Variants in TTC28 observed in about 807,000 individuals in gnomAD.
TTC28 encodes tetratricopeptide repeat protein 28.
In TTC28, 61 loss-of-function variants were observed where a neutral mutation model predicts 198.0. That is an observed-to-expected ratio of 0.31 (90% CI 0.25 to 0.38). The LOEUF (loss-of-function observed/expected upper bound fraction) is 0.38. Ranked by LOEUF, TTC28 falls within the 10% of genes least tolerant of loss-of-function variation. The probability of loss-of-function intolerance (pLI) is 1.00; values close to 1 mark genes in which losing one functional copy is unlikely to be tolerated. For missense variants in TTC28, 2,678 were observed against 3,164.0 expected (o/e 0.85, Z 3.69); for synonymous variants, 1,171 against 1,297.8 (o/e 0.90, Z 2.10).
intron 5 of TTC28, among the ~76,000 whole-genome samples, chr22:28,289,875 T>C (rs1156487800): frequency 2.0e-5 from 3 of 151,628 alleles, no homozygotes; most frequent in Admixed American, 2.0e-4. Flanking sequence ...AAAATAAAAA[T>C]TAGCTGGGCG....
intron 2 of TTC28, among the ~76,000 whole-genome samples, chr22:28,426,276 T>A (rs2047350086): frequency 6.7e-6 from 1 of 150,006 alleles, no homozygotes; most frequent in Non-Finnish European, 1.5e-5. Context: ...ATTTGTTCAA[T>A]GAATGGCCCA....
chr22:28,267,805 T>C (rs566912772), intron 5 of TTC28, among the ~76,000 whole-genome samples: 36 of 152,260 alleles, frequency 2.4e-4, no homozygotes, highest in African/African-American at 8.7e-4. Context: ...AAATCCAAAT[T>C]TCTTTGCTCA....
At chr22:28,347,574 AG>A (rs1251636649) in intron 2 of TTC28, among the ~76,000 whole-genome samples, 1 of 152,188 alleles carries the variant, frequency 6.6e-6, no homozygotes. Flanking sequence ...AAAGGGCGGT[AG>A]AAAGAATAGC....
At chr22:28,539,971 G>A (rs1197018728) in intron 2 of TTC28, among the ~76,000 whole-genome samples, 1 of 137,354 alleles carries the variant, frequency 7.3e-6, no homozygotes, top group South Asian at 2.5e-4. Context: ...CTGAGACAGG[G>A]TCTCACTCTG....
chr22:28,289,053 G>A (rs2044739131), intron 5 of TTC28, among the ~76,000 whole-genome samples: 1 of 152,134 alleles, frequency 6.6e-6, no homozygotes, highest in African/African-American at 2.4e-5. Context: ...GTTCTTAGAG[G>A]AGGGTACTGC....
intron 12 of TTC28, among the ~76,000 whole-genome samples, chr22:28,035,297 G>A (rs1014098534): frequency 5.3e-5 from 8 of 152,108 alleles, no homozygotes; most frequent in African/African-American, 1.9e-4. Flanking sequence ...TCAGTTTCCT[G>A]TGCACAGGGC....
At chr22:28,147,344 C>T (rs1455050168) in intron 6 of TTC28, among the ~76,000 whole-genome samples, 1 of 152,162 alleles carries the variant, frequency 6.6e-6, no homozygotes, top group Non-Finnish European at 1.5e-5. Flanking sequence ...AGTGTATGAG[C>T]AGCCACGTTT....
At chr22:28,476,244 ATTAT>A (rs992744939) in intron 2 of TTC28, among the ~76,000 whole-genome samples, 3 of 152,174 alleles carry the variant, frequency 2.0e-5, no homozygotes, top group African/African-American at 4.8e-5. Flanking sequence ...TGAATAAAAT[ATTAT>A]TTAGTTTTGC....
intron 5 of TTC28, among the ~76,000 whole-genome samples, chr22:28,248,881 A>AG (rs1050966833): frequency 6.6e-6 from 1 of 152,046 alleles, no homozygotes; most frequent in Non-Finnish European, 1.5e-5. Flanking sequence ...GGCATTTAGC[A>AG]GGGGGGGAAA....
intron 2 of TTC28, among the ~76,000 whole-genome samples, chr22:28,395,533 G>A (rs573500517): frequency 1.3e-5 from 2 of 151,298 alleles, no homozygotes; most frequent in Non-Finnish European, 2.9e-5. Flanking sequence ...TCGGGAGGCT[G>A]AGGCAGGCGA....
intron 5 of TTC28, among the ~76,000 whole-genome samples, chr22:28,266,706 A>G (rs1931705373): frequency 6.6e-6 from 1 of 152,180 alleles, no homozygotes; most frequent in Admixed American, 6.6e-5. Flanking sequence ...CTGACTACAG[A>G]CAAGTAAGTA....
At chr22:28,361,486 G>A (rs759410465) in intron 2 of TTC28, among the ~76,000 whole-genome samples, 4 of 152,106 alleles carry the variant, frequency 2.6e-5, no homozygotes, top group Non-Finnish European at 5.9e-5. Flanking sequence ...GAGAGGGGAA[G>A]AAGCTGCAGA....
intron 2 of TTC28, among the ~76,000 whole-genome samples, chr22:28,367,718 A>G (rs1333054198): frequency 2.0e-5 from 3 of 152,052 alleles, no homozygotes; most frequent in Non-Finnish European, 2.9e-5. Context: ...TAAAATCTGA[A>G]ATGAAAAAGC....
At position 28,039,313 on chromosome 22, in the gene TTC28, A is replaced by C. The variant is rs1939508962; in HGVS notation, c.3933-8947T>G. 2.0e-5 allele frequency among the ~76,000 whole-genome samples: 3 copies of C among 152,192 alleles called. No individual in the cohort carries two copies. In the South Asian group the frequency reaches 6.2e-4, roughly 32 times the overall value. Reference sequence around the variant, plus strand: ...AGACTGGATTAAGAAAATGTGGCACATATACACCATGGAATACTATGCAGC... The same window carrying C: ...AGACTGGATTAAGAAAATGTGGCACCTATACACCATGGAATACTATGCAGC... On this transcript the variant is annotated intron_variant, in intron 12 of 22. Transcript: ENST00000397906.
chr22:28,071,037 G>A (rs1276297695), intron 12 of TTC28, among the ~76,000 whole-genome samples: 1 of 152,114 alleles, frequency 6.6e-6, no homozygotes, highest in Non-Finnish European at 1.5e-5. Context: ...AGGCCCTGGT[G>A]TCAGGGCATG....
At chr22:28,245,817 G>T (rs779197794) in intron 5 of TTC28, among the ~76,000 whole-genome samples, 1 of 152,182 alleles carries the variant, frequency 6.6e-6, no homozygotes, top group Non-Finnish European at 1.5e-5. Context: ...AACCTGGCCA[G>T]TAAGACCTTT....
intron 5 of TTC28, among the ~76,000 whole-genome samples, chr22:28,170,659 C>A (rs1922580675): frequency 6.6e-6 from 1 of 152,006 alleles, no homozygotes; most frequent in South Asian, 2.1e-4. Context: ...AGATGTTTAC[C>A]ATGATGACTG....
chr22:28,071,748 G>GAAAAAAAAAAAAAAAAAAGAA (rs371615737), intron 12 of TTC28, among the ~76,000 whole-genome samples: 1 of 91,148 alleles, frequency 1.1e-5, no homozygotes, highest in African/African-American at 3.9e-5. Context: ...AAAAAAAAAG[G>GAAAAAAAAAAAAAAAAAAGAA]AAAAAAAAAA....
At chr22:28,353,342 C>T (rs976285477) in intron 2 of TTC28, among the ~76,000 whole-genome samples, 1 of 151,998 alleles carries the variant, frequency 6.6e-6, no homozygotes, top group Non-Finnish European at 1.5e-5. Flanking sequence ...AACAAAAAGC[C>T]ATCCTAAAAC....
Sources: gnomAD v4.1 joint callset for allele counts (sites outside exome capture counted in the v4.1 genomes callset) on GRCh38, gnomAD v4.1.1 for gene constraint, MANE v1.5 for transcripts, NCBI Gene and HGNC (gene_info 2026-07-23, HGNC 2026-07-21) for gene names.